Variants in GRIP1 observed in about 807,000 individuals in gnomAD.
GRIP1 encodes glutamate receptor-interacting protein 1.
Under a neutral mutation model 129.9 loss-of-function variants are expected in GRIP1, and 45 were observed. That is an observed-to-expected ratio of 0.35 (90% confidence interval 0.27 to 0.44). GRIP1 has a LOEUF of 0.44. Ranked by LOEUF, GRIP1 falls within the 20% of genes least tolerant of loss-of-function variation. GRIP1 has a pLI of 1.00. For synonymous variants in GRIP1, 530 were observed against 520.8 expected (o/e 1.02, Z -0.24); for missense variants, 1,196 against 1,396.8 (o/e 0.86, Z 2.29).
intron 1 of GRIP1, among the ~76,000 whole-genome samples, chr12:66,608,291 T>A (rs1026891306): frequency 6.6e-6 from 1 of 152,174 alleles, no homozygotes; most frequent in Admixed American, 6.5e-5. Context: ...ATAGTGATTA[T>A]AAACACAAAA....
At chr12:66,390,417 C>T (rs7486003) in intron 19 of GRIP1, among the ~76,000 whole-genome samples, 135,735 of 152,224 alleles carry the variant, frequency 0.89, 62,122 homozygotes, top group Non-Finnish European at 1. Context: ...ACTTATCCCT[C>T]AGTTCCCTTC....
At chr12:66,413,025 C>T (rs1289106793) in intron 15 of GRIP1, among the ~76,000 whole-genome samples, 5 of 152,076 alleles carry the variant, frequency 3.3e-5, no homozygotes, top group Non-Finnish European at 7.4e-5. Context: ...TTGTAACACC[C>T]CGCTGACAAT....
intron 7 of GRIP1, among the ~76,000 whole-genome samples, chr12:66,472,236 TACTA>T (rs1174637523): frequency 6.6e-6 from 1 of 152,202 alleles, no homozygotes; most frequent in African/African-American, 2.4e-5. Context: ...AAACTATATT[TACTA>T]ACTGCCAACT....
chr12:66,577,796 T>TA (rs1183012472), intron 2 of GRIP1, among the ~76,000 whole-genome samples: 4 of 151,446 alleles, frequency 2.6e-5, no homozygotes, highest in African/African-American at 7.3e-5. Flanking sequence ...CAAAAAAAGT[T>TA]AAAAAAAAAT....
chr12:66,899,320 T>C (rs2040805332), intron 1 of GRIP1, among the ~76,000 whole-genome samples: 1 of 151,460 alleles, frequency 6.6e-6, no homozygotes, highest in Non-Finnish European at 1.5e-5. Flanking sequence ...AGAATGTACT[T>C]CCTGTAGACA....
intron 1 of GRIP1, among the ~76,000 whole-genome samples, chr12:66,935,737 G>C (rs1287199918): frequency 6.6e-6 from 1 of 152,152 alleles, no homozygotes; most frequent in Non-Finnish European, 1.5e-5. Context: ...TGACGTACAG[G>C]AATCGGAAGT....
intron 1 of GRIP1, among the ~76,000 whole-genome samples, chr12:66,970,575 T>C (rs940278978): frequency 5.4e-5 from 8 of 149,516 alleles, no homozygotes; most frequent in African/African-American, 2.0e-4. Context: ...TCCTGTTGTC[T>C]TTGGACTTTC....
chr12:67,019,934 T>G (rs902992036), intron 1 of GRIP1, among the ~76,000 whole-genome samples: 1 of 152,162 alleles, frequency 6.6e-6, no homozygotes, highest in African/African-American at 2.4e-5. Context: ...AAGTTAAGAC[T>G]TATAAGAAAC....
At chr12:66,619,241 T>G (rs2065167344) in intron 1 of GRIP1, among the ~76,000 whole-genome samples, 2 of 152,134 alleles carry the variant, frequency 1.3e-5, no homozygotes, top group South Asian at 4.1e-4. Context: ...AAAATATGAG[T>G]GCTATTTCTC....
chr12:66,634,673 T>G (rs2031180323), intron 1 of GRIP1, among the ~76,000 whole-genome samples: 2 of 152,254 alleles, frequency 1.3e-5, no homozygotes, highest in South Asian at 4.1e-4. Flanking sequence ...TCTTTGACTT[T>G]CAGACACTTA....
chr12:66,391,571 A>G (rs1220481382), intron 19 of GRIP1, among the ~76,000 whole-genome samples: 1 of 152,190 alleles, frequency 6.6e-6, no homozygotes, highest in African/African-American at 2.4e-5. Context: ...ACATTCAGGG[A>G]AAGGGCATGG....
At chr12:66,777,927 T>C (rs1054357410) in intron 1 of GRIP1, among the ~76,000 whole-genome samples, 3 of 152,138 alleles carry the variant, frequency 2.0e-5, no homozygotes, top group Non-Finnish European at 2.9e-5. Context: ...CCTCTCTCAG[T>C]GTAATCCATT....
chr12:66,591,443 C>A (rs2063842317), intron 2 of GRIP1, among the ~76,000 whole-genome samples: 1 of 152,002 alleles, frequency 6.6e-6, no homozygotes, highest in Non-Finnish European at 1.5e-5. Context: ...ACAGGGACAG[C>A]CCAACTGAGA....
intron 1 of GRIP1, among the ~76,000 whole-genome samples, chr12:67,031,575 A>G (rs2043023066): frequency 6.6e-6 from 1 of 152,104 alleles, no homozygotes; most frequent in Admixed American, 6.6e-5. Flanking sequence ...TCTTTATTAC[A>G]TGGATAATTT....
chr12:66,450,191 C>G (rs146792482), intron 11 of GRIP1, among the ~76,000 whole-genome samples: 50 of 150,590 alleles, frequency 3.3e-4, no homozygotes, highest in Non-Finnish European at 1.3e-4. Flanking sequence ...GTAGTCCCAG[C>G]TACTCGGGAG....
intron 1 of GRIP1, among the ~76,000 whole-genome samples, chr12:66,635,789 T>G (rs1386567173): frequency 6.6e-6 from 1 of 152,116 alleles, no homozygotes; most frequent in Non-Finnish European, 1.5e-5. Context: ...GATATAAACA[T>G]ATATTTTAAA....
chr12:66,869,176 G>A (rs1429638638), intron 1 of GRIP1, among the ~76,000 whole-genome samples: 1 of 151,832 alleles, frequency 6.6e-6, no homozygotes, highest in Non-Finnish European at 1.5e-5. Context: ...TTCCCTGACA[G>A]CCTGGCACAC....
intron 7 of GRIP1, among the ~76,000 whole-genome samples, chr12:66,468,753 A>T (rs1188965051): frequency 1.3e-5 from 2 of 151,806 alleles, no homozygotes; most frequent in Non-Finnish European, 2.9e-5. Context: ...TGTTCCAATG[A>T]TCATGAAGAA....
chr12:66,597,049 T>C (rs972435366), intron 1 of GRIP1, 122 bp from the exon 2 acceptor site: 16 of 765,260 alleles, frequency 2.1e-5, no homozygotes, highest in Non-Finnish European at 3.6e-5. Context: ...AAAGTGTCGG[T>C]AGGCCTGGGT....
Sources: gnomAD v4.1 joint callset for allele counts (sites outside exome capture counted in the v4.1 genomes callset) on GRCh38, gnomAD v4.1.1 for gene constraint, MANE v1.5 for transcripts, NCBI Gene and HGNC (gene_info 2026-07-23, HGNC 2026-07-21) for gene names.